PICALM: variants seen among roughly 807,000 people sequenced by gnomAD.
The protein encoded by PICALM is phosphatidylinositol-binding clathrin assembly protein.
PICALM carries 40 observed loss-of-function variants against 80.5 expected under a neutral mutation model. The observed-to-expected ratio is 0.50, with a 90% CI of 0.39 to 0.65. PICALM has a LOEUF of 0.65. PICALM is among the 30% of genes least tolerant of loss of function. PICALM has a pLI of 0.00. For missense variants in PICALM, 676 were observed against 778.9 expected (o/e 0.87, Z 1.57); for synonymous variants, 288 against 260.3 (o/e 1.11, Z -1.02).
intron 19 of PICALM, among the ~76,000 whole-genome samples, chr11:85,962,526 C>T (rs2093723333): frequency 6.6e-6 from 1 of 152,078 alleles, no homozygotes; most frequent in Non-Finnish European, 1.5e-5. Flanking sequence ...CTGAAGAATA[C>T]GGAAGAGACA....
intron 19 of PICALM, among the ~76,000 whole-genome samples, chr11:85,962,726 GACC>G (rs1400854807): frequency 6.6e-6 from 1 of 152,022 alleles, no homozygotes; most frequent in Admixed American, 6.6e-5. Context: ...ACATGACAGA[GACC>G]ACCAATAAGA....
intron 19 of PICALM, among the ~76,000 whole-genome samples, chr11:85,971,426 C>T (rs1352974029): frequency 1.3e-5 from 2 of 151,838 alleles, no homozygotes; most frequent in Admixed American, 6.6e-5. Flanking sequence ...GGCAACAGGA[C>T]GTAAAACCTG....
chr11:86,016,763 ATCCTC>A (rs1477172491), intron 4 of PICALM, among the ~76,000 whole-genome samples: 2 of 152,186 alleles, frequency 1.3e-5, no homozygotes, highest in African/African-American at 2.4e-5. Context: ...CTCTAATAAA[ATCCTC>A]TCCTAAGTAT....
chr11:85,976,850 T>C, intron 17 of PICALM, 168 bp from the exon 18 acceptor site: 4 of 526,918 alleles, frequency 7.6e-6, no homozygotes, highest in Non-Finnish European at 1.4e-5. Context: ...TGAAAAAAAG[T>C]GTTTTGAAAT....
chr11:85,999,873 C>CG (rs2095091078), intron 11 of PICALM, among the ~76,000 whole-genome samples: 1 of 152,212 alleles, frequency 6.6e-6, no homozygotes, highest in South Asian at 2.1e-4. Context: ...TCTTGGGCCC[C>CG]AGGCCCCACC....
chr11:85,998,054 T>A (rs2095032088), intron 11 of PICALM, among the ~76,000 whole-genome samples: 1 of 152,060 alleles, frequency 6.6e-6, no homozygotes, highest in African/African-American at 2.4e-5. Flanking sequence ...AGTGCTGGGA[T>A]TACAGGCGGG....
chr11:86,054,303 T>C (rs2137437974), intron 1 of PICALM, among the ~76,000 whole-genome samples: 1 of 152,288 alleles, frequency 6.6e-6, no homozygotes, highest in South Asian at 2.1e-4. Context: ...AAGGAAAAAA[T>C]ACATTGCTAG....
chr11:85,983,815 G>T, intron 14 of PICALM, 51 bp downstream of exon 14: 1 of 738,646 alleles, frequency 1.4e-6, no homozygotes, highest in Non-Finnish European at 2.3e-6. Flanking sequence ...TCCTTACACA[G>T]AATCTAAATT....
chr11:86,043,838 A>C (rs938339316), intron 1 of PICALM, among the ~76,000 whole-genome samples: 2 of 152,206 alleles, frequency 1.3e-5, no homozygotes, highest in African/African-American at 4.8e-5. Flanking sequence ...TCTTCTCTTA[A>C]AAATTTTTAA....
At chr11:86,004,512 C>A (rs1385370043) in intron 8 of PICALM, among the ~76,000 whole-genome samples, 1 of 150,796 alleles carries the variant, frequency 6.6e-6, no homozygotes, top group Non-Finnish European at 1.5e-5. Context: ...TGAATACTTA[C>A]GTTTTTTTTT....
intron 14 of PICALM, among the ~76,000 whole-genome samples, chr11:85,983,136 T>A (rs1371278408): frequency 1.3e-5 from 2 of 152,180 alleles, no homozygotes; most frequent in South Asian, 2.1e-4. Context: ...TTTTGAAGGA[T>A]AACTAATTAT....
intron 3 of PICALM, among the ~76,000 whole-genome samples, chr11:86,023,939 C>G (rs540964260): frequency 1.3e-5 from 2 of 152,142 alleles, no homozygotes; most frequent in Admixed American, 6.5e-5. Context: ...ACCTGGTCAA[C>G]AGAGCAAGAG....
chr11:85,999,110 A>T (rs186046523), intron 11 of PICALM, among the ~76,000 whole-genome samples: 255 of 152,344 alleles, frequency 1.7e-3, no homozygotes, highest in Middle Eastern at 3.4e-3. Context: ...TAAATCTTCT[A>T]GCTACTTTGA....
intron 7 of PICALM, 57 bp from the exon 8 acceptor site, chr11:86,007,640 T>C: frequency 1.3e-6 from 1 of 789,300 alleles, no homozygotes; most frequent in Non-Finnish European, 1.9e-6. Context: ...ATAAATAAAA[T>C]TTGGAAAAAT....
intron 2 of PICALM, 70 bp from the exon 3 acceptor site, chr11:86,026,437 A>G: frequency 1.2e-6 from 1 of 859,978 alleles, no homozygotes; most frequent in Non-Finnish European, 1.9e-6. Flanking sequence ...AATTAGGAGG[A>G]AAAGTTATGG....
In PICALM at chr11:86,026,371, G is replaced by GA. The variant is rs753241513; in HGVS notation, c.274-5dup. The GA allele has an allele frequency of 5.8e-3, 8,546 of 1,467,002 alleles. No individual in the cohort carries two copies. The highest frequency in any genetic ancestry group is 6.5e-3 in the African/African-American group (458 of 70,238). The allele number at this position is 1,467,002 out of a possible 1,614,324, so 90.9% of individuals were successfully genotyped here. A position where few individuals can be genotyped will look rare whatever the true frequency, so the allele number is the denominator to read the frequency against. On this transcript the variant is annotated splice_region_variant and splice_polypyrimidine_tract_variant and intron_variant, in intron 2 of 19. Coordinates refer to ENST00000393346, the MANE Select transcript of PICALM (RefSeq NM_007166.4). ...AAGCCAAATACTGAATAAAACGCTG[G>GA]AAAAAAAAAATTACATCATATTAAG...
intron 1 of PICALM, 80 bp downstream of exon 1, chr11:86,068,571 G>A (rs976214267): frequency 2.2e-6 from 3 of 1,378,596 alleles, no homozygotes; most frequent in Non-Finnish European, 9.9e-7. Context: ...GTAGAAGGGT[G>A]AAAGACAAGA....
At chr11:86,033,671 C>G (rs1179607608) in intron 1 of PICALM, among the ~76,000 whole-genome samples, 1 of 152,176 alleles carries the variant, frequency 6.6e-6, no homozygotes, top group Non-Finnish European at 1.5e-5. Context: ...CTGAACTCAT[C>G]TTAATTTGTT....
At position 86,007,845 on chromosome 11, in the gene PICALM, A is replaced by AT. The variant is rs2136215604; in HGVS notation, c.766-263dup. Among the ~76,000 whole-genome samples, 2 of 152,174 alleles carry AT rather than the reference A, an allele frequency of 1.3e-5. 1 individual carries two copies. Among genetic ancestry groups the AT allele is most frequent in the South Asian group, 4.1e-4 (2 of 4,826 alleles). On this transcript the variant is annotated intron_variant, in intron 7 of 19. Coordinates refer to ENST00000393346, the MANE Select transcript of PICALM (RefSeq NM_007166.4). ...CCATCCCTGTCTTCTGAACACCTGTATGTAAGCTACCTTGTCACAATCTGA... is the reference window on the plus strand; with the variant it reads ...CCATCCCTGTCTTCTGAACACCTGTATTGTAAGCTACCTTGTCACAATCTGA...
Sources: allele counts gnomAD v4.1 joint callset (sites outside exome capture counted in the v4.1 genomes callset), GRCh38; gene constraint gnomAD v4.1.1; transcripts MANE v1.5; gene names NCBI Gene and HGNC (gene_info 2026-07-23, HGNC 2026-07-21).